ZFP62: variants seen among roughly 807,000 people sequenced by gnomAD.
ZFP62 encodes the protein ZFP62 zinc finger protein, also known as zinc finger protein 62 homolog.
In ZFP62, 44 loss-of-function variants were observed where a neutral mutation model predicts 56.4. The observed-to-expected ratio is 0.78, with a 90% confidence interval of 0.61 to 1.00. ZFP62 has a LOEUF of 1.00. Ranked by LOEUF, ZFP62 falls within the 50% of genes least tolerant of loss-of-function variation. The pLI is 0.00. For missense variants in ZFP62, 1,030 were observed against 1,085.7 expected (o/e 0.95, Z 0.72); for synonymous variants, 421 against 388.9 (o/e 1.08, Z -0.97).
At chr5:180,832,736 T>TA in the ZFP62 span, 1 of 152,228 alleles carries the variant, frequency 6.6e-6, no homozygotes, top group African/African-American at 2.4e-5. Flanking sequence ...CTCAAAATGT[T>TA]ACCTCCAGAC....
the ZFP62 span, chr5:180,831,382 G>A: frequency 3.9e-5 from 6 of 152,318 alleles, no homozygotes; most frequent in Admixed American, 6.5e-5. Context: ...GAGGGGCCGT[G>A]GCGCCATCGC....
At position 180,849,944 on chromosome 5, in the gene ZFP62, G is replaced by C; in HGVS notation, c.1551C>G (p.Ser517Arg). ...CSYCEKSFNY[S>R]SALEQHKRIH... ...TCCTTTTATGCTGTTCAAGGGCAGA[G>C]CTGTAGTTGAAGGATTTCTCACAAT... The change falls in exon 2 of 2, where the codon AGC (serine) becomes AGG (arginine). Residue 517 changes from serine (S) to arginine (R), a missense_variant. Physicochemically the swap from Ser to Arg is moderately radical, Grantham distance 110. Transcript: ENST00000502412. 1 of 1,551,378 alleles carries C rather than the reference G, an allele frequency of 6.4e-7. No homozygotes were observed. The highest frequency in any genetic ancestry group is 8.7e-7 in the Non-Finnish European group (1 of 1,146,942).
At chr5:180,841,233 T>G in the ZFP62 span, among the ~76,000 whole-genome samples, 1 of 150,146 alleles carries the variant, frequency 6.7e-6, no homozygotes, top group African/African-American at 2.5e-5. Context: ...CATGGCAGTG[T>G]GCTATATCCA....
At chr5:180,854,110 G>C (rs1448721201) in intron 1 of ZFP62, among the ~76,000 whole-genome samples, 1 of 152,110 alleles carries the variant, frequency 6.6e-6, no homozygotes, top group Non-Finnish European at 1.5e-5. Context: ...ACCCCATTCT[G>C]GGTCTACTAT....
rs894612946 is a variant in ZFP62 at position 180,847,986 on chromosome 5, C to A, written c.*806G>T. The A allele has an allele frequency of 2.0e-6, 2 of 985,314 alleles. No individual in the cohort carries two copies. Among genetic ancestry groups the A allele is most frequent in the African/African-American group, 3.5e-5 (2 of 57,236 alleles). The allele number at this position is 985,314 out of a possible 1,614,324, so 61.0% of individuals were successfully genotyped here. On this transcript the variant is annotated 3_prime_UTR_variant, in exon 2 of 2. Transcript: ENST00000502412. ...TTACTGAATGTGTCAAAATCCTCTCCACGGTAGAACCTTTTATTGTAGCAT... is the reference window on the plus strand; with the variant it reads ...TTACTGAATGTGTCAAAATCCTCTCAACGGTAGAACCTTTTATTGTAGCAT...
At chr5:180,853,177 A>C (rs1773802072) in intron 1 of ZFP62, among the ~76,000 whole-genome samples, 1 of 152,264 alleles carries the variant, frequency 6.6e-6, no homozygotes, top group South Asian at 2.1e-4. Context: ...AAACCTACAT[A>C]AATCTCCAAG....
downstream of ZFP62, among the ~76,000 whole-genome samples, chr5:180,846,254 T>C (rs1773409298): frequency 6.6e-6 from 1 of 152,164 alleles, no homozygotes; most frequent in African/African-American, 2.4e-5. Context: ...CAGTAGGAGC[T>C]TGTCTGGTGC....
intron 1 of ZFP62, among the ~76,000 whole-genome samples, chr5:180,853,464 AAG>A (rs931365586): frequency 6.6e-6 from 1 of 152,244 alleles, no homozygotes; most frequent in African/African-American, 2.4e-5. Flanking sequence ...GGATGGGAGA[AAG>A]AGAGAGACTC....
chr5:180,847,606 G>T, downstream of ZFP62: 3 of 985,382 alleles, frequency 3.0e-6, no homozygotes, highest in Non-Finnish European at 3.6e-6. Flanking sequence ...TAAACTCACA[G>T]CCCGTTTTGA....
At chr5:180,846,573 A>G (rs890974583), downstream of ZFP62, among the ~76,000 whole-genome samples, 1 of 151,906 alleles carries the variant, frequency 6.6e-6, no homozygotes, top group Middle Eastern at 3.2e-3. Flanking sequence ...ATGCCTGGGC[A>G]CTTCCGTAGC....
At chr5:180,854,963 T>C (rs1207589166) in intron 1 of ZFP62, among the ~76,000 whole-genome samples, 1 of 152,146 alleles carries the variant, frequency 6.6e-6, no homozygotes, top group Non-Finnish European at 1.5e-5. Context: ...GCTGAAAAAG[T>C]TGGAAAATGG....
the ZFP62 span, chr5:180,830,573 T>C: frequency 6.6e-6 from 1 of 152,374 alleles, no homozygotes; most frequent in Non-Finnish European, 1.5e-5. Flanking sequence ...ATCATTCTCA[T>C]TTACTCGGGT....
At chr5:180,833,472 C>CT in the ZFP62 span, among the ~76,000 whole-genome samples, 1 of 107,436 alleles carries the variant, frequency 9.3e-6, no homozygotes, top group Non-Finnish European at 2.0e-5. Flanking sequence ...CGGTGAAACT[C>CT]TGTCTCAAAA....
the ZFP62 span, among the ~76,000 whole-genome samples, chr5:180,841,372 ATTTT>A: frequency 6.6e-6 from 1 of 151,284 alleles, no homozygotes; most frequent in Non-Finnish European, 1.5e-5. Context: ...TGAGGCGAGG[ATTTT>A]TTCTTTCCCA....
At chr5:180,843,799 A>G (rs1773361911), downstream of ZFP62, among the ~76,000 whole-genome samples, 1 of 152,274 alleles carries the variant, frequency 6.6e-6, no homozygotes, top group Non-Finnish European at 1.5e-5. Context: ...TGCATGCGGC[A>G]TCTGCAGAAC....
At chr5:180,843,079 A>T (rs1010470268), downstream of ZFP62, among the ~76,000 whole-genome samples, 3 of 150,828 alleles carry the variant, frequency 2.0e-5, no homozygotes, top group Non-Finnish European at 3.0e-5. Context: ...AAAAAAAAAG[A>T]AAAGTAATTA....
chr5:180,837,446 C>T, the ZFP62 span, among the ~76,000 whole-genome samples: 1 of 152,128 alleles, frequency 6.6e-6, no homozygotes, highest in African/African-American at 2.4e-5. Flanking sequence ...GCACCTCACA[C>T]TCGGTAGGAA....
chr5:180,849,595 G>A lies in ZFP62; in HGVS notation c.1900C>T (p.Gln634Ter). 1.3e-6 allele frequency: 2 copies of A among 1,551,992 alleles called. No individual in the cohort carries two copies. Among genetic ancestry groups the A allele is most frequent in the Non-Finnish European group, 1.7e-6 (2 of 1,147,064 alleles). The change falls in exon 2 of 2, where the codon CAG becomes TAG. Residue 634 changes from glutamine to a stop codon, truncating the protein, a stop_gained. Coordinates refer to ENST00000502412, the MANE Select transcript of ZFP62 (RefSeq NM_001172638.2). LOFTEE classifies it high-confidence loss of function. The stretch of plus-strand genomic sequence containing the variant: ...TCTCTAGTGTGGACCCTTCTGTGCT[G>A]AGAAAGGAGCGATGTGTAATTAAAA... ...KSFNYTSLLSQHRRVHTREKP... is the reference protein window; with the variant it reads ...KSFNYTSLLS
chr5:180,829,767 C>G, the ZFP62 span, among the ~76,000 whole-genome samples: 1 of 152,262 alleles, frequency 6.6e-6, no homozygotes, highest in Admixed American at 6.5e-5. Flanking sequence ...GGTTATACCT[C>G]TATACCTCGG....
Sources: allele counts gnomAD v4.1 joint callset (sites outside exome capture counted in the v4.1 genomes callset), GRCh38; gene constraint gnomAD v4.1.1; transcripts MANE v1.5; gene names NCBI Gene and HGNC (gene_info 2026-07-23, HGNC 2026-07-21).